The following HIP1 variants were observed in gnomAD, a reference collection of about 807,000 sequenced individuals.
HIP1 encodes huntingtin interacting protein 1.
Under a neutral mutation model 147.6 loss-of-function variants are expected in HIP1, and 65 were observed. The observed-to-expected ratio is 0.44, with a 90% CI of 0.36 to 0.54. The LOEUF (loss-of-function observed/expected upper bound fraction) is 0.54. HIP1 is among the 20% of genes least tolerant of loss of function. HIP1 has a pLI of 0.00. For missense variants in HIP1, 1,061 were observed against 1,299.6 expected, an observed-to-expected ratio of 0.82 and a Z score of 2.82; for synonymous variants, 479 against 504.0, an observed-to-expected ratio of 0.95 and a Z score of 0.67.
chr7:75,585,648 C>T (rs1354656459), intron 5 of HIP1, among the ~76,000 whole-genome samples: 4 of 151,988 alleles, frequency 2.6e-5, no homozygotes, highest in Non-Finnish European at 5.9e-5. Flanking sequence ...CGACTCCCCG[C>T]CTCAGCCTCT....
intron 1 of HIP1, among the ~76,000 whole-genome samples, chr7:75,614,387 A>G (rs1797558957): frequency 6.6e-6 from 1 of 151,936 alleles, no homozygotes; most frequent in Non-Finnish European, 1.5e-5. Flanking sequence ...CCACACACAC[A>G]CATAGACACA....
intron 1 of HIP1, among the ~76,000 whole-genome samples, chr7:75,640,740 G>A: frequency 6.9e-6 from 1 of 145,770 alleles, no homozygotes. Context: ...ATGACAGAAG[G>A]AGACTCCATC....
chr7:75,589,754 G>T (rs1451559215), intron 4 of HIP1, among the ~76,000 whole-genome samples: 5 of 134,346 alleles, frequency 3.7e-5, no homozygotes, highest in Non-Finnish European at 6.1e-5. Context: ...TTTTTGAGAC[G>T]AAGTCTCTCT....
In HIP1 at chr7:75,661,052, G is replaced by A. The variant is rs559190605; in HGVS notation, c.121-61805C>T. On this transcript the variant is annotated intron_variant, in intron 1 of 30. Transcript: ENST00000336926. Reference sequence around the variant, plus strand: ...CTAACACTTTGGAAGGCCGAGGCGGGAGGATCACTTGAGCCCAGGAGTTCA... The same window carrying A: ...CTAACACTTTGGAAGGCCGAGGCGGAAGGATCACTTGAGCCCAGGAGTTCA... 1.4e-4 allele frequency among the ~76,000 whole-genome samples: 21 copies of A among 152,218 alleles called. No individual in the cohort carries two copies. In the South Asian group the frequency reaches 4.3e-3, roughly 32 times the overall value.
intron 1 of HIP1, among the ~76,000 whole-genome samples, chr7:75,616,560 A>T (rs1447128904): frequency 2.0e-5 from 3 of 149,532 alleles, no homozygotes; most frequent in African/African-American, 7.4e-5. Context: ...GGCGCTAGCC[A>T]CCATGCCTGG....
intron 1 of HIP1, among the ~76,000 whole-genome samples, chr7:75,649,877 C>T (rs994664562): frequency 1.3e-5 from 2 of 152,150 alleles, no homozygotes; most frequent in Admixed American, 6.6e-5. Flanking sequence ...GACCTCTGAA[C>T]GCTTTGCCTC....
intron 1 of HIP1, among the ~76,000 whole-genome samples, chr7:75,600,882 T>C (rs1375135174): frequency 6.6e-6 from 1 of 152,132 alleles, no homozygotes; most frequent in Non-Finnish European, 1.5e-5. Flanking sequence ...TGCCTCAGCC[T>C]CCTGAGTAGC....
chr7:75,669,865 G>C (rs186158659), intron 1 of HIP1, among the ~76,000 whole-genome samples: 11 of 152,236 alleles, frequency 7.2e-5, no homozygotes, highest in African/African-American at 2.4e-4. Flanking sequence ...GCAATGGCAC[G>C]ATCTCGGCTC....
intron 1 of HIP1, among the ~76,000 whole-genome samples, chr7:75,655,785 G>A (rs782266603): frequency 3.3e-5 from 5 of 152,010 alleles, no homozygotes; most frequent in African/African-American, 4.8e-5. Context: ...TTGTTGTACA[G>A]CATTATAGAT....
chr7:75,653,490 C>T (rs1319969499), intron 1 of HIP1, among the ~76,000 whole-genome samples: 2 of 151,474 alleles, frequency 1.3e-5, no homozygotes, highest in African/African-American at 4.9e-5. Flanking sequence ...CCCATCTCTA[C>T]AAAAAATAGA....
At chr7:75,727,783 T>C (rs1801700321) in intron 1 of HIP1, among the ~76,000 whole-genome samples, 1 of 150,928 alleles carries the variant, frequency 6.6e-6, no homozygotes, top group Admixed American at 6.6e-5. Context: ...GAGCAGGAGG[T>C]TGCAGTGAGC....
At chr7:75,609,903 C>CTTTTTTTTTT (rs56106169) in intron 1 of HIP1, among the ~76,000 whole-genome samples, 5 of 130,988 alleles carry the variant, frequency 3.8e-5, no homozygotes, top group Admixed American at 8.0e-5. Context: ...CTCTTCTTTT[C>CTTTTTTTTTT]TTTTTTTTTT....
intron 7 of HIP1, among the ~76,000 whole-genome samples, chr7:75,577,966 C>T (rs1310336716): frequency 6.6e-6 from 1 of 152,156 alleles, no homozygotes. Flanking sequence ...TGCCACTGCA[C>T]TCCAGTCTGG....
chr7:75,694,215 G>T (rs1308722149), intron 1 of HIP1, among the ~76,000 whole-genome samples: 1 of 152,040 alleles, frequency 6.6e-6, no homozygotes, highest in Non-Finnish European at 1.5e-5. Context: ...ACCGCGCCCG[G>T]CCCCAATTCT....
intron 1 of HIP1, chr7:75,626,167 A>G (rs1798031299): frequency 1.3e-5 from 2 of 152,320 alleles, no homozygotes; most frequent in South Asian, 4.1e-4. Context: ...AGAATGGACT[A>G]AGACCAGGGC....
intron 1 of HIP1, among the ~76,000 whole-genome samples, chr7:75,724,525 G>C (rs1347029325): frequency 6.6e-6 from 1 of 152,110 alleles, no homozygotes; most frequent in Non-Finnish European, 1.5e-5. Context: ...TGGGATTACA[G>C]ATGTGAGCCA....
intron 1 of HIP1, among the ~76,000 whole-genome samples, chr7:75,727,001 C>T (rs1035527806): frequency 6.6e-6 from 1 of 151,580 alleles, no homozygotes; most frequent in Non-Finnish European, 1.5e-5. Flanking sequence ...TGTTAATTTG[C>T]ATTTTCCTGA....
At chr7:75,569,120 A>G (rs892747490) in intron 8 of HIP1, among the ~76,000 whole-genome samples, 5 of 152,314 alleles carry the variant, frequency 3.3e-5, no homozygotes, top group Admixed American at 6.5e-5. Flanking sequence ...CTCCTCCCCT[A>G]CAGAGCCAGT....
chr7:75,734,331 C>T (rs1466413503), intron 1 of HIP1, among the ~76,000 whole-genome samples: 3 of 151,108 alleles, frequency 2.0e-5, no homozygotes, highest in Admixed American at 6.6e-5. Flanking sequence ...CCTGTAGTCC[C>T]AGCACTCAGG....
Sources: allele counts gnomAD v4.1 joint callset (sites outside exome capture counted in the v4.1 genomes callset), GRCh38; gene constraint gnomAD v4.1.1; transcripts MANE v1.5; gene names NCBI Gene and HGNC (gene_info 2026-07-23, HGNC 2026-07-21).